Variants in RBFOX3 observed in about 807,000 individuals in gnomAD.
RBFOX3 encodes the protein RNA binding protein fox-1 homolog 3.
A neutral mutation model predicts 48.7 loss-of-function variants in RBFOX3; 17 were observed. The observed-to-expected ratio is 0.35, with a 90% CI of 0.24 to 0.52. The LOEUF (loss-of-function observed/expected upper bound fraction) is 0.52, where lower values mean the gene tolerates loss of function less well. RBFOX3 is among the 20% of genes least tolerant of loss of function. The pLI is 0.94. For missense variants in RBFOX3, 382 were observed against 497.5 expected, an observed-to-expected ratio of 0.77 and a Z score of 2.21; for synonymous variants, 212 against 209.5, an observed-to-expected ratio of 1.01 and a Z score of -0.10.
intron 1 of RBFOX3, among the ~76,000 whole-genome samples, chr17:79,590,244 C>T (rs1335472563): frequency 5.9e-5 from 9 of 152,154 alleles, no homozygotes; most frequent in African/African-American, 1.2e-4. Flanking sequence ...AGATAGCACG[C>T]GGTAAGAGAC....
the RBFOX3 span, among the ~76,000 whole-genome samples, chr17:79,640,850 A>G: frequency 5.9e-5 from 9 of 152,270 alleles, no homozygotes; most frequent in Non-Finnish European, 1.3e-4. Context: ...CCATAAAACT[A>G]CTAGAAGAAA....
intron 3 of RBFOX3, among the ~76,000 whole-genome samples, chr17:79,253,810 G>C (rs1352933134): frequency 1.3e-5 from 2 of 152,234 alleles, no homozygotes; most frequent in Non-Finnish European, 2.9e-5. Flanking sequence ...CAGTGCCCTA[G>C]AGGGTTTTCA....
At chr17:79,147,215 C>T (rs1286976928) in intron 4 of RBFOX3, among the ~76,000 whole-genome samples, 3 of 152,222 alleles carry the variant, frequency 2.0e-5, no homozygotes. Context: ...ACTGTGGTCA[C>T]AGGAGGCGCT....
At chr17:79,595,341 C>T (rs2093540923) in intron 1 of RBFOX3, among the ~76,000 whole-genome samples, 1 of 152,242 alleles carries the variant, frequency 6.6e-6, no homozygotes, top group East Asian at 1.9e-4. Flanking sequence ...AGAACATGCT[C>T]AGTCAGCAAC....
intron 2 of RBFOX3, among the ~76,000 whole-genome samples, chr17:79,353,528 C>T (rs887351318): frequency 6.6e-6 from 1 of 152,192 alleles, no homozygotes; most frequent in Non-Finnish European, 1.5e-5. Flanking sequence ...GCTAAGATGC[C>T]ACTATATAAG....
At chr17:79,272,054 C>T (rs554508235) in intron 3 of RBFOX3, among the ~76,000 whole-genome samples, 2 of 152,208 alleles carry the variant, frequency 1.3e-5, no homozygotes, top group African/African-American at 4.8e-5. Context: ...GGGGTGGGAA[C>T]GCCGAGGCTG....
At chr17:79,120,763 T>C (rs923461838) in intron 4 of RBFOX3, among the ~76,000 whole-genome samples, 2 of 142,020 alleles carry the variant, frequency 1.4e-5, no homozygotes, top group Non-Finnish European at 3.1e-5. Context: ...AATGGATAGA[T>C]GGGTGGATGG....
chr17:79,387,968 A>G (rs2060800307), intron 2 of RBFOX3, among the ~76,000 whole-genome samples: 1 of 151,376 alleles, frequency 6.6e-6, no homozygotes, highest in Non-Finnish European at 1.5e-5. Flanking sequence ...GCATGTGTGA[A>G]CGTGTACCTG....
At chr17:79,544,817 G>A (rs1402614633) in intron 1 of RBFOX3, among the ~76,000 whole-genome samples, 1 of 151,632 alleles carries the variant, frequency 6.6e-6, no homozygotes, top group African/African-American at 2.4e-5. Context: ...AGACATGGGG[G>A]AGTAACATCT....
chr17:79,473,132 T>TA lies in RBFOX3; in HGVS notation c.-175+9321dup, dbSNP rs2077250663. 6.6e-6 allele frequency among the ~76,000 whole-genome samples: 1 copy of TA among 151,318 alleles called. No individual in the cohort carries two copies. Among genetic ancestry groups the TA allele is most frequent in the Non-Finnish European group, 1.5e-5 (1 of 67,884 alleles). On this transcript the variant is annotated intron_variant, in intron 2 of 14. Coordinates refer to ENST00000693108, the MANE Select transcript of RBFOX3 (RefSeq NM_001350451.2). This position sits in a 1 kb window ranked among gnomAD's most constrained non-coding sequence, Gnocchi z 4.2. ...TCTTAACGATTAGACTCATCAGACC[T>TA]AAAACGACTCCTTCAAATGACTAAA...
At chr17:79,399,457 G>A (rs2062494641) in intron 2 of RBFOX3, among the ~76,000 whole-genome samples, 1 of 152,022 alleles carries the variant, frequency 6.6e-6, no homozygotes, top group African/African-American at 2.4e-5. Flanking sequence ...GTGACTGCAG[G>A]TTCCATGTGG....
At chr17:79,293,494 C>T (rs1243086784) in intron 3 of RBFOX3, among the ~76,000 whole-genome samples, 1 of 149,028 alleles carries the variant, frequency 6.7e-6, no homozygotes, top group Non-Finnish European at 1.5e-5. Context: ...ACTCTGTCTC[C>T]CAGGCTGGAG....
chr17:79,107,380 G>C (rs2077580764), intron 5 of RBFOX3, among the ~76,000 whole-genome samples: 1 of 152,200 alleles, frequency 6.6e-6, no homozygotes, highest in South Asian at 2.1e-4. Flanking sequence ...GCCAAGTCCA[G>C]TCCTCTATAG....
In RBFOX3 at chr17:79,206,255, G is replaced by A. The variant is rs77390935; in HGVS notation, c.-34+29511C>T. 8.3e-3 allele frequency among the ~76,000 whole-genome samples: 1,262 copies of A among 152,166 alleles called. 16 individuals carry two copies. The highest frequency in any genetic ancestry group is 0.028 in the African/African-American group (1,143 of 41,518). On this transcript the variant is annotated intron_variant, in intron 4 of 14. Coordinates refer to ENST00000693108, the MANE Select transcript of RBFOX3 (RefSeq NM_001350451.2). ...AACTTGGTGGCCTCTTTGGATGCTG[G>A]AGGCAGCAAATATTCCCCTTGGGAA...
chr17:79,363,999 T>C lies in RBFOX3; in HGVS notation c.-174-56175A>G, dbSNP rs1310551971. Among the ~76,000 whole-genome samples the C allele has an allele frequency of 1.3e-5, 2 of 152,168 alleles. No individual in the cohort carries two copies. Among genetic ancestry groups the C allele is most frequent in the Non-Finnish European group, 2.9e-5 (2 of 68,026 alleles). The stretch of plus-strand genomic sequence containing the variant: ...CGCCCTCCTTTTCCACCAGGCTTTA[T>C]GGGGCTGTGCCTTCTCAAGCCTCAG... On this transcript the variant is annotated intron_variant, in intron 2 of 14. Transcript: ENST00000693108. The surrounding 1 kb of genome is among the most constrained non-coding windows in gnomAD (Gnocchi z 4.7).
intron 1 of RBFOX3, among the ~76,000 whole-genome samples, chr17:79,489,584 T>G (rs2080184760): frequency 1.3e-5 from 2 of 152,190 alleles, no homozygotes; most frequent in Admixed American, 6.5e-5. Context: ...TGTGAGGCAC[T>G]GCACCTGGTC....
intron 3 of RBFOX3, among the ~76,000 whole-genome samples, chr17:79,270,968 CTTTCT>C (rs936738307): frequency 6.8e-6 from 1 of 146,356 alleles, no homozygotes; most frequent in African/African-American, 2.5e-5. Context: ...TTTTCTTTCT[CTTTCT>C]TTTCTTTTTT....
intron 4 of RBFOX3, among the ~76,000 whole-genome samples, chr17:79,137,444 C>G (rs557205936): frequency 1.3e-5 from 2 of 152,214 alleles, no homozygotes; most frequent in Admixed American, 6.5e-5. Context: ...TTGAGAATCA[C>G]TGACCCAGAC....
chr17:79,141,040 T>G (rs1157339982), intron 4 of RBFOX3, among the ~76,000 whole-genome samples: 1 of 152,074 alleles, frequency 6.6e-6, no homozygotes, highest in Non-Finnish European at 1.5e-5. Context: ...GGGACAAAGC[T>G]CTATACTTGG....
Sources: gnomAD v4.1 joint callset for allele counts (sites outside exome capture counted in the v4.1 genomes callset) on GRCh38, gnomAD v4.1.1 for gene constraint, Gnocchi (gnomAD v3.1) non-coding constraint, MANE v1.5 for transcripts, NCBI Gene and HGNC (gene_info 2026-07-23, HGNC 2026-07-21) for gene names.